The following GALNTL6 variants were observed in gnomAD, a reference collection of about 807,000 sequenced individuals.
The protein encoded by GALNTL6 is polypeptide N-acetylgalactosaminyltransferase-like 6.
In GALNTL6, 46 loss-of-function variants were observed where a neutral mutation model predicts 73.7. The observed-to-expected ratio is 0.62, with a 90% CI of 0.49 to 0.80. GALNTL6 has a LOEUF of 0.80. GALNTL6 is among the 30% of genes least tolerant of loss of function. GALNTL6 has a pLI of 0.00. For missense variants in GALNTL6, 604 were observed against 755.0 expected, an observed-to-expected ratio of 0.80 and a Z score of 2.34; for synonymous variants, 259 against 263.7, an observed-to-expected ratio of 0.98 and a Z score of 0.17.
At chr4:172,171,439 G>A (rs1579209775) in intron 2 of GALNTL6, among the ~76,000 whole-genome samples, 1 of 152,104 alleles carries the variant, frequency 6.6e-6, no homozygotes, top group African/African-American at 2.4e-5. Context: ...AGTACATACA[G>A]GTTATTCAGT....
At chr4:172,481,394 A>T (rs1733465150) in intron 5 of GALNTL6, among the ~76,000 whole-genome samples, 1 of 123,774 alleles carries the variant, frequency 8.1e-6, no homozygotes, top group Non-Finnish European at 1.9e-5. Context: ...GCAAAAGAGC[A>T]AAGCTTCCAC....
chr4:171,882,934 C>T (rs561180847), intron 2 of GALNTL6, among the ~76,000 whole-genome samples: 91 of 152,254 alleles, frequency 6.0e-4, no homozygotes, highest in South Asian at 4.6e-3. Flanking sequence ...ATTGGTAATG[C>T]AATTACAACT....
intron 2 of GALNTL6, among the ~76,000 whole-genome samples, chr4:172,081,860 C>A (rs1005551884): frequency 3.4e-5 from 5 of 146,348 alleles, no homozygotes; most frequent in Non-Finnish European, 4.5e-5. Flanking sequence ...TTTCTTTTTT[C>A]TTTATTTATT....
At chr4:172,092,613 T>G (rs1476877591) in intron 2 of GALNTL6, among the ~76,000 whole-genome samples, 2 of 152,062 alleles carry the variant, frequency 1.3e-5, no homozygotes, top group African/African-American at 4.8e-5. Context: ...GTCATTCATT[T>G]AGCCAAAATA....
Position 172,003,696 on chromosome 4 carries a change from G to A in GALNTL6, c.138+188978G>A, listed in dbSNP as rs539329450. 6.6e-5 allele frequency among the ~76,000 whole-genome samples: 10 copies of A among 152,104 alleles called. No homozygotes were observed. In the South Asian group the frequency reaches 2.1e-3, roughly 32 times the overall value. ...CATCACCCCTTCGAAAGACCGTTTG[G>A]GCTCTAAAATGGTTACATATGTCTT... On this transcript the variant is annotated intron_variant, in intron 2 of 12. Transcript: ENST00000506823.
At chr4:172,507,054 G>A (rs1734393670) in intron 5 of GALNTL6, among the ~76,000 whole-genome samples, 1 of 55,350 alleles carries the variant, frequency 1.8e-5, no homozygotes, top group Admixed American at 2.5e-4. Flanking sequence ...AAATATGATT[G>A]AACAAAAAGG....
intron 2 of GALNTL6, among the ~76,000 whole-genome samples, chr4:172,149,034 T>G (rs531347114): frequency 3.9e-5 from 6 of 152,178 alleles, no homozygotes; most frequent in Non-Finnish European, 8.8e-5. Context: ...AGTTTACCCT[T>G]CACCCCAGCT....
At chr4:171,899,920 C>T (rs867615650) in intron 2 of GALNTL6, among the ~76,000 whole-genome samples, 2 of 152,138 alleles carry the variant, frequency 1.3e-5, no homozygotes, top group Non-Finnish European at 2.9e-5. Flanking sequence ...ACCCTACTTC[C>T]CTCTATGTGT....
chr4:173,021,431 C>T (rs746019440), intron 11 of GALNTL6, 45 bp from the exon 12 acceptor site: 2 of 1,607,272 alleles, frequency 1.2e-6, no homozygotes, highest in Admixed American at 1.7e-5. Flanking sequence ...ATCTTCTCTC[C>T]AAAACAAACT....
intron 5 of GALNTL6, among the ~76,000 whole-genome samples, chr4:172,604,924 A>G (rs556186596): frequency 4.9e-4 from 74 of 152,360 alleles, no homozygotes; most frequent in South Asian, 1.4e-3. Flanking sequence ...AAGGGCTCCC[A>G]GTGTGACCAC....
chr4:171,999,522 C>T (rs1291547945), intron 2 of GALNTL6, among the ~76,000 whole-genome samples: 1 of 152,026 alleles, frequency 6.6e-6, no homozygotes, highest in Non-Finnish European at 1.5e-5. Context: ...ATATTGGCTT[C>T]CAGGACATAG....
chr4:172,294,306 G>A (rs1739583925), intron 3 of GALNTL6, among the ~76,000 whole-genome samples: 1 of 151,854 alleles, frequency 6.6e-6, no homozygotes, highest in African/African-American at 2.4e-5. Flanking sequence ...AACTTCTCAT[G>A]CTTCAAATGA....
intron 4 of GALNTL6, among the ~76,000 whole-genome samples, chr4:172,327,237 A>G (rs903600499): frequency 1.3e-5 from 2 of 152,022 alleles, no homozygotes; most frequent in East Asian, 3.8e-4. Context: ...TGATTTTTAT[A>G]TCTATTGTGC....
intron 5 of GALNTL6, among the ~76,000 whole-genome samples, chr4:172,618,958 A>G (rs1738849155): frequency 6.6e-6 from 1 of 152,084 alleles, no homozygotes; most frequent in Non-Finnish European, 1.5e-5. Flanking sequence ...TCCTGACCTC[A>G]TGATCCGCCT....
At position 171,890,836 on chromosome 4, in the gene GALNTL6, C is replaced by T. The variant is rs559891492; in HGVS notation, c.138+76118C>T. 3.9e-5 allele frequency among the ~76,000 whole-genome samples: 6 copies of T among 152,200 alleles called. No individual in the cohort carries two copies. In the South Asian group the frequency reaches 1.0e-3, roughly 26 times the overall value. ...AAAGGTTAGGGGTGGAGGTCCCATA[C>T]AATATCAAGTCATTACCGGTAAAAT... On this transcript the variant is annotated intron_variant, in intron 2 of 12. Coordinates refer to ENST00000506823, the MANE Select transcript of GALNTL6 (RefSeq NM_001034845.3).
At chr4:172,483,296 G>A (rs62331699) in intron 5 of GALNTL6, among the ~76,000 whole-genome samples, 6,445 of 152,218 alleles carry the variant, frequency 0.042, 217 homozygotes, top group Non-Finnish European at 0.064. Flanking sequence ...ATGAAACTTT[G>A]AAGGAGAAGT....
chr4:171,912,368 G>T (rs1737500218), intron 2 of GALNTL6, among the ~76,000 whole-genome samples: 1 of 151,960 alleles, frequency 6.6e-6, no homozygotes. Flanking sequence ...AGTAAGGAAG[G>T]GGATGATATT....
At chr4:172,693,375 C>G (rs537559323) in intron 5 of GALNTL6, among the ~76,000 whole-genome samples, 46 of 152,266 alleles carry the variant, frequency 3.0e-4, no homozygotes, top group Admixed American at 2.4e-3. Context: ...GAGTTTACCC[C>G]CATTGCCCCA....
At chr4:172,952,352 CT>C in intron 10 of GALNTL6, 94 bp downstream of exon 10, 2 of 784,782 alleles carry the variant, frequency 2.5e-6, no homozygotes, top group Non-Finnish European at 4.2e-6. Context: ...AAAACCTTCA[CT>C]TTTACCCTGC....
Sources: gnomAD v4.1 joint callset for allele counts (sites outside exome capture counted in the v4.1 genomes callset) on GRCh38, gnomAD v4.1.1 for gene constraint, MANE v1.5 for transcripts, NCBI Gene and HGNC (gene_info 2026-07-23, HGNC 2026-07-21) for gene names.